The following FRMD4B variants were observed in gnomAD, a reference collection of about 807,000 sequenced individuals.
The protein encoded by FRMD4B is FERM domain-containing protein 4B.
A neutral mutation model predicts 141.5 loss-of-function variants in FRMD4B; 74 were observed. That is an observed-to-expected ratio of 0.52 (90% CI 0.43 to 0.63). FRMD4B has a LOEUF of 0.63. Among genes scored for constraint, FRMD4B ranks in the 30% least tolerant of loss-of-function variants. The pLI is 0.00. For missense variants in FRMD4B, 1,366 were observed against 1,253.4 expected (o/e 1.09, Z -1.36); for synonymous variants, 506 against 467.9 (o/e 1.08, Z -1.05).
intron 5 of FRMD4B, among the ~76,000 whole-genome samples, chr3:69,256,310 T>C (rs7619612): frequency 0.26 from 39,746 of 152,004 alleles, 5,471 homozygotes; most frequent in East Asian, 0.48. Context: ...GTCAGACAAA[T>C]CCACACTGTT....
intron 1 of FRMD4B, among the ~76,000 whole-genome samples, chr3:69,540,637 AT>A (rs373347617): frequency 0.045 from 2,293 of 50,620 alleles, 67 homozygotes; most frequent in East Asian, 0.085. Flanking sequence ...AAAAAAAAAA[AT>A]ATATATATAT....
chr3:69,486,398 G>T (rs948408006), intron 1 of FRMD4B, among the ~76,000 whole-genome samples: 1 of 151,858 alleles, frequency 6.6e-6, no homozygotes, highest in Non-Finnish European at 1.5e-5. Context: ...AGTCCCCAAA[G>T]TCCATCGTAT....
chr3:69,213,996 A>T (rs1015897181), intron 11 of FRMD4B, among the ~76,000 whole-genome samples: 1 of 152,024 alleles, frequency 6.6e-6, no homozygotes, highest in African/African-American at 2.4e-5. Context: ...AATTTCTAGT[A>T]AGAAGCCTCA....
chr3:69,417,415 A>G (rs1704887393), intron 2 of FRMD4B, among the ~76,000 whole-genome samples: 1 of 151,998 alleles, frequency 6.6e-6, no homozygotes, highest in South Asian at 2.1e-4. Flanking sequence ...TATCTTGTAA[A>G]TTTAAGTTCT....
At chr3:69,464,081 T>C (rs1705746092) in intron 1 of FRMD4B, among the ~76,000 whole-genome samples, 1 of 152,226 alleles carries the variant, frequency 6.6e-6, no homozygotes, top group African/African-American at 2.4e-5. Context: ...TTCAAACATA[T>C]TTATGGGGCA....
rs780190498 is a variant in FRMD4B at position 69,250,281 on chromosome 3, C to CTGTGTGTG, written c.502-190_502-183dup. ...CTCATTGAGGGTTAAGGCGAAACCA[C>CTGTGTGTG]TGTGTGTGCGTGTGTGTGTGTGTGT... is the stretch of plus-strand genomic sequence containing the variant. On this transcript the variant is annotated intron_variant, in intron 5 of 22. Coordinates refer to ENST00000398540, the MANE Select transcript of FRMD4B (RefSeq NM_015123.3). The CTGTGTGTG allele has an allele frequency of 3.1e-4, 161 of 511,718 alleles. 1 individual carries two copies. Among genetic ancestry groups the CTGTGTGTG allele is most frequent in the Admixed American group, 7.5e-4 (20 of 26,726 alleles). The allele number at this position is 511,718 out of a possible 1,614,324, so 31.7% of individuals were successfully genotyped here.
At chr3:69,267,593 G>GTATA (rs2093569677) in intron 5 of FRMD4B, among the ~76,000 whole-genome samples, 1 of 98,006 alleles carries the variant, frequency 1.0e-5, no homozygotes, top group African/African-American at 4.4e-5. Flanking sequence ...GTGTGTGTGT[G>GTATA]TGTATATATA....
In FRMD4B at chr3:69,226,697, C is replaced by G. The variant is rs934097762; in HGVS notation, c.582-2007G>C. Among the ~76,000 whole-genome samples the G allele has an allele frequency of 7.9e-5, 12 of 152,144 alleles. No homozygotes were observed. In the South Asian group the frequency reaches 1.2e-3, roughly 16 times the overall value. On this transcript the variant is annotated intron_variant, in intron 7 of 22. Transcript: ENST00000398540. ...GGAGACCTCACTAGATCAGAAGTTG[C>G]TATTTATCATAAATTTATTTATTCA...
At chr3:69,347,853 A>T (rs1702998554) in intron 1 of FRMD4B, among the ~76,000 whole-genome samples, 1 of 152,248 alleles carries the variant, frequency 6.6e-6, no homozygotes, top group African/African-American at 2.4e-5. Context: ...GGAAATTTAT[A>T]GCACTAAATG....
chr3:69,510,956 T>C (rs1245800256), intron 1 of FRMD4B, among the ~76,000 whole-genome samples: 1 of 152,236 alleles, frequency 6.6e-6, no homozygotes, highest in South Asian at 2.1e-4. Flanking sequence ...ATTTTTTCCT[T>C]GCAGACCAAT....
intron 17 of FRMD4B, among the ~76,000 whole-genome samples, chr3:69,191,171 C>T (rs925216865): frequency 6.6e-6 from 1 of 152,204 alleles, no homozygotes; most frequent in Non-Finnish European, 1.5e-5. Flanking sequence ...GTAATCTCAG[C>T]ACTTCGAGAG....
At chr3:69,204,163 G>A (rs952724491) in intron 11 of FRMD4B, among the ~76,000 whole-genome samples, 2 of 152,150 alleles carry the variant, frequency 1.3e-5, no homozygotes, top group East Asian at 3.9e-4. Context: ...ACCCAGGAAA[G>A]GAGGAATGTG....
At chr3:69,325,113 G>GAAAGAAAT (rs1332419527) in intron 1 of FRMD4B, among the ~76,000 whole-genome samples, 1 of 151,236 alleles carries the variant, frequency 6.6e-6, no homozygotes, top group Non-Finnish European at 1.5e-5. Flanking sequence ...AAGAAAGAAA[G>GAAAGAAAT]AAAGAAAGAA....
At chr3:69,303,668 C>T (rs899785904) in intron 3 of FRMD4B, among the ~76,000 whole-genome samples, 14 of 152,192 alleles carry the variant, frequency 9.2e-5, no homozygotes, top group Admixed American at 7.8e-4. Context: ...TCACATCTAG[C>T]ACTTGTAATC....
intron 1 of FRMD4B, chr3:69,536,653 AGGAGAGTGAGATGT>A: frequency 1.0e-6 from 1 of 982,184 alleles, no homozygotes; most frequent in Non-Finnish European, 1.6e-6. Flanking sequence ...GTGGAAGTCG[AGGAGAGTGAGATGT>A]CACTGGTGAC....
intron 7 of FRMD4B, among the ~76,000 whole-genome samples, chr3:69,229,015 G>GTTTTTTT (rs58912710): frequency 0.013 from 1,506 of 120,304 alleles, no homozygotes; most frequent in Non-Finnish European, 0.017. Flanking sequence ...TCAAAATCAT[G>GTTTTTTT]TTTTTTTTTT....
intron 1 of FRMD4B, among the ~76,000 whole-genome samples, chr3:69,449,307 C>A (rs974366991): frequency 2.6e-5 from 4 of 152,200 alleles, no homozygotes; most frequent in Non-Finnish European, 4.4e-5. Flanking sequence ...TGCATGAAGA[C>A]GTGCATGATG....
chr3:69,455,598 G>A (rs1308499046), intron 1 of FRMD4B, among the ~76,000 whole-genome samples: 2 of 152,186 alleles, frequency 1.3e-5, no homozygotes, highest in Non-Finnish European at 2.9e-5. Flanking sequence ...AACCCTGGAT[G>A]CACCATCTTT....
chr3:69,506,802 C>T (rs368573155), intron 1 of FRMD4B, among the ~76,000 whole-genome samples: 11 of 147,488 alleles, frequency 7.5e-5, no homozygotes, highest in African/African-American at 2.8e-4. Context: ...CCTTGGCCTC[C>T]TAATCTGCTG....
Sources: gnomAD v4.1 joint callset for allele counts (sites outside exome capture counted in the v4.1 genomes callset) on GRCh38, gnomAD v4.1.1 for gene constraint, MANE v1.5 for transcripts, NCBI Gene and HGNC (gene_info 2026-07-23, HGNC 2026-07-21) for gene names.